Variants in GNG12 observed in about 807,000 individuals in gnomAD.
GNG12 encodes the protein guanine nucleotide-binding protein G(I)/G(S)/G(O) subunit gamma-12.
For synonymous variants in GNG12, 28 were observed against 29.7 expected (o/e 0.94, Z 0.19); for missense variants, 69 against 83.8 (o/e 0.82, Z 0.69).
chr1:67,780,764 G>A (rs140357128), intron 1 of GNG12, among the ~76,000 whole-genome samples: 196 of 152,192 alleles, frequency 1.3e-3, no homozygotes, highest in African/African-American at 4.5e-3. Flanking sequence ...GAAGCAACTC[G>A]GAGCAACTCG....
intron 2 of GNG12, among the ~76,000 whole-genome samples, chr1:67,719,904 C>T (rs1371346993): frequency 6.6e-6 from 1 of 152,208 alleles, no homozygotes; most frequent in African/African-American, 2.4e-5. Flanking sequence ...GAGAATGAGG[C>T]CTCAATTAAA....
At chr1:67,791,368 C>T (rs1646801204) in intron 1 of GNG12, among the ~76,000 whole-genome samples, 1 of 152,066 alleles carries the variant, frequency 6.6e-6, no homozygotes, top group Admixed American at 6.6e-5. Context: ...ATCTCTATCT[C>T]CAGTCTCAGC....
chr1:67,721,415 C>T (rs1376713778), intron 2 of GNG12, among the ~76,000 whole-genome samples: 3 of 152,158 alleles, frequency 2.0e-5, no homozygotes, highest in Non-Finnish European at 2.9e-5. Context: ...AAACTCATCC[C>T]AGATCTACTG....
intron 2 of GNG12, among the ~76,000 whole-genome samples, chr1:67,753,900 G>A (rs1169894689): frequency 6.6e-6 from 1 of 152,164 alleles, no homozygotes; most frequent in African/African-American, 2.4e-5. Context: ...GGTGGCGGGC[G>A]TTAAGTGTGG....
chr1:67,747,830 C>T (rs909675615), intron 2 of GNG12, among the ~76,000 whole-genome samples: 1 of 152,224 alleles, frequency 6.6e-6, no homozygotes, highest in African/African-American at 2.4e-5. Context: ...CAAACACCCA[C>T]AAACTGATGG....
intron 2 of GNG12, among the ~76,000 whole-genome samples, chr1:67,732,856 A>G (rs1646428663): frequency 6.6e-6 from 1 of 152,192 alleles, no homozygotes; most frequent in Non-Finnish European, 1.5e-5. Context: ...AGTGATAGCT[A>G]CTGCCCTCCT....
intron 1 of GNG12, among the ~76,000 whole-genome samples, chr1:67,787,421 C>G (rs1646777128): frequency 6.6e-6 from 1 of 151,976 alleles, no homozygotes; most frequent in African/African-American, 2.4e-5. Flanking sequence ...AACTAACAGG[C>G]AATAGTCAAG....
Position 67,704,645 on chromosome 1 carries a change from C to T in GNG12, c.*806G>A, listed in dbSNP as rs940499500. 1 of 152,650 alleles carries T rather than the reference C, an allele frequency of 6.6e-6. No individual in the cohort carries two copies. The highest frequency in any genetic ancestry group is 2.1e-4 in the South Asian group (1 of 4,836). 9.5% of individuals were successfully genotyped at this position (152,650 alleles called of 1,614,324 possible). On this transcript the variant is annotated 3_prime_UTR_variant, in exon 4 of 4. Transcript: ENST00000370982. Reference sequence around the variant, plus strand: ...TGGAGTCCTCCCAAGGGTCTCCTCCCCTTTTCCAGACTCAGCATCATTGAA... The same window carrying T: ...TGGAGTCCTCCCAAGGGTCTCCTCCTCTTTTCCAGACTCAGCATCATTGAA...
chr1:67,785,267 C>T (rs1011620054), intron 1 of GNG12, among the ~76,000 whole-genome samples: 6 of 152,172 alleles, frequency 3.9e-5, no homozygotes, highest in South Asian at 2.1e-4. Flanking sequence ...GCTCACAAAA[C>T]GGATCCACCC....
Position 67,705,525 on chromosome 1 carries a change from T to C in GNG12, c.145A>G (p.Ser49Gly). Residue 49 changes from serine to glycine, a missense_variant, in exon 4 of 4, where the codon AGT becomes GGT. Transcript: ENST00000370982. ...GGTATTCCTATCAGCAAAGGGTCACTCCTGGCATGTTCCTCACAGTAGGAC... is the reference window on the plus strand; with the variant it reads ...GGTATTCCTATCAGCAAAGGGTCACCCCTGGCATGTTCCTCACAGTAGGAC... ...LMSYCEEHAR[S>G]DPLLIGIPTS... 1 of 1,614,158 alleles carries C rather than the reference T, an allele frequency of 6.2e-7. No individual in the cohort carries two copies. Among genetic ancestry groups the C allele is most frequent in the Non-Finnish European group, 8.5e-7 (1 of 1,180,018 alleles).
intron 2 of GNG12, among the ~76,000 whole-genome samples, chr1:67,727,614 G>C (rs1356436481): frequency 6.6e-6 from 1 of 152,168 alleles, no homozygotes; most frequent in Non-Finnish European, 1.5e-5. Context: ...TGAATTCTGG[G>C]AAAACATACC....
rs183139427 is a variant in GNG12, at chr1:67,721,192, T to A, written c.-26-13480A>T. On this transcript the variant is annotated intron_variant, in intron 2 of 3. Coordinates refer to ENST00000370982, the MANE Select transcript of GNG12 (RefSeq NM_018841.6). The stretch of plus-strand genomic sequence containing the variant: ...CTGCTTTTAGGAGCAAACAATACTA[T>A]ATGAAGTGAGAGAATATTTCCAAAC... Among the ~76,000 whole-genome samples, 287 of 152,184 alleles carry A rather than the reference T, an allele frequency of 1.9e-3. 8 individuals are homozygous for A. The highest frequency in any genetic ancestry group is 0.015 in the Admixed American group (234 of 15,292).
rs1646239889 is a variant in GNG12 at position 67,705,251 on chromosome 1, T to A, written c.*200A>T. On this transcript the variant is annotated 3_prime_UTR_variant, in exon 4 of 4. Coordinates refer to ENST00000370982, the MANE Select transcript of GNG12 (RefSeq NM_018841.6). ...AGTTACCAAGTGGAAAATAAGATTG[T>A]TATTCTGTATTAAATCAGTAAAGGG... 1 of 655,874 alleles carries A rather than the reference T, an allele frequency of 1.5e-6. No individual in the cohort carries two copies. The highest frequency in any genetic ancestry group is 2.2e-6 in the Non-Finnish European group (1 of 451,952). 40.6% of individuals were successfully genotyped at this position (655,874 alleles called of 1,614,324 possible). A position where few individuals can be genotyped will look rare whatever the true frequency, so the allele number is the denominator to read the frequency against.
intron 3 of GNG12, 134 bp downstream of exon 3, chr1:67,707,460 C>T (rs1189216006): frequency 5.9e-6 from 4 of 680,188 alleles, no homozygotes; most frequent in African/African-American, 5.6e-5. Context: ...GATTTTGAGA[C>T]TCTCAGCCTG....
At chr1:67,788,730 T>A (rs1377294548) in intron 1 of GNG12, among the ~76,000 whole-genome samples, 2 of 152,222 alleles carry the variant, frequency 1.3e-5, no homozygotes, top group African/African-American at 4.8e-5. Flanking sequence ...TGTATCTTTG[T>A]TAACTAGGAA....
chr1:67,716,219 A>C (rs551357887), intron 2 of GNG12, among the ~76,000 whole-genome samples: 1 of 152,318 alleles, frequency 6.6e-6, no homozygotes, highest in Non-Finnish European at 1.5e-5. Context: ...AGAATGAGAA[A>C]GAATGAGAAC....
chr1:67,750,898 A>G (rs748613848), intron 2 of GNG12, among the ~76,000 whole-genome samples: 1 of 152,234 alleles, frequency 6.6e-6, no homozygotes, highest in Non-Finnish European at 1.5e-5. Context: ...TCGTATTTTC[A>G]TATTTTATGA....
chr1:67,780,314 A>G (rs1646730456), intron 1 of GNG12, among the ~76,000 whole-genome samples: 1 of 152,096 alleles, frequency 6.6e-6, no homozygotes, highest in Non-Finnish European at 1.5e-5. Flanking sequence ...CAAATTGTAA[A>G]CCCAGACAAT....
At chr1:67,719,136 A>G (rs1401501054) in intron 2 of GNG12, among the ~76,000 whole-genome samples, 2 of 152,262 alleles carry the variant, frequency 1.3e-5, no homozygotes, top group East Asian at 1.9e-4. Context: ...TCATAGTATC[A>G]GGGGAGTGTT....
Sources: gnomAD v4.1 joint callset for allele counts (sites outside exome capture counted in the v4.1 genomes callset) on GRCh38, gnomAD v4.1.1 for gene constraint, MANE v1.5 for transcripts, NCBI Gene and HGNC (gene_info 2026-07-23, HGNC 2026-07-21) for gene names.